CYYR1: variants seen among roughly 807,000 people sequenced by gnomAD.
CYYR1 encodes cysteine and tyrosine rich 1, also known as cysteine and tyrosine-rich protein 1.
A neutral mutation model predicts 15.2 loss-of-function variants in CYYR1; 14 were observed. The observed-to-expected ratio is 0.92, with a 90% CI of 0.61 to 1.44. CYYR1 has a LOEUF of 1.44. CYYR1 is among the 40% of genes most tolerant of loss of function. The pLI is 0.00. For synonymous variants in CYYR1, 80 were observed against 77.4 expected (o/e 1.03, Z -0.18); for missense variants, 228 against 209.5 (o/e 1.09, Z -0.54).
intron 2 of CYYR1, among the ~76,000 whole-genome samples, chr21:26,501,064 G>A (rs570445417): frequency 1.2e-3 from 176 of 152,298 alleles, no homozygotes; most frequent in Non-Finnish European, 1.4e-3. Flanking sequence ...GTAAGGCCGG[G>A]CGCAGTGACT....
chr21:26,512,193 C>A (rs902524767), intron 2 of CYYR1, among the ~76,000 whole-genome samples: 3 of 151,788 alleles, frequency 2.0e-5, no homozygotes, highest in African/African-American at 7.3e-5. Context: ...CATTCAGTCC[C>A]TCTTTTTTTA....
chr21:26,471,201 C>G (rs2123361020), intron 3 of CYYR1: 1 of 152,306 alleles, frequency 6.6e-6, no homozygotes, highest in South Asian at 2.1e-4. Flanking sequence ...TGAAACACGG[C>G]AGCCTCCATG....
intron 2 of CYYR1, among the ~76,000 whole-genome samples, chr21:26,513,229 G>A (rs938831107): frequency 1.3e-5 from 2 of 152,140 alleles, no homozygotes; most frequent in Non-Finnish European, 2.9e-5. Flanking sequence ...ACCATATTCT[G>A]CCTTGTACGA....
At chr21:26,482,232 C>T (rs1477995009) in intron 2 of CYYR1, 3 of 915,682 alleles carry the variant, frequency 3.3e-6, no homozygotes, top group Non-Finnish European at 3.9e-6. Flanking sequence ...CCATAGTTAA[C>T]TTTTACAAAT....
At chr21:26,570,282 C>T (rs1352881264) in intron 1 of CYYR1, among the ~76,000 whole-genome samples, 1 of 152,158 alleles carries the variant, frequency 6.6e-6, no homozygotes, top group African/African-American at 2.4e-5. Context: ...AAGGTGTGGT[C>T]TGGAAGAAGG....
At chr21:26,568,480 T>TA in intron 1 of CYYR1, 1 of 152,188 alleles carries the variant, frequency 6.6e-6, no homozygotes, top group Admixed American at 6.5e-5. Context: ...ATTAAAGATT[T>TA]AAATGAAAGA....
intron 2 of CYYR1, among the ~76,000 whole-genome samples, chr21:26,556,297 G>C (rs1221473543): frequency 6.6e-6 from 1 of 152,148 alleles, no homozygotes; most frequent in Non-Finnish European, 1.5e-5. Context: ...GAATTGATCT[G>C]TGTTTAAATA....
intron 2 of CYYR1, among the ~76,000 whole-genome samples, chr21:26,517,912 A>G (rs954331133): frequency 1.2e-4 from 18 of 152,154 alleles, no homozygotes; most frequent in African/African-American, 4.3e-4. Context: ...ACACAAGAAC[A>G]TACAGGTATT....
At chr21:26,526,025 G>C (rs986954759) in intron 2 of CYYR1, among the ~76,000 whole-genome samples, 3 of 152,142 alleles carry the variant, frequency 2.0e-5, no homozygotes, top group Admixed American at 6.5e-5. Context: ...GGAGGGTGGA[G>C]GGTGTGGGAG....
rs1303625224 is a variant in CYYR1, at chr21:26,573,001, G to T, written c.-61C>A. 6.2e-7 allele frequency: 1 copy of T among 1,612,020 alleles called. No individual in the cohort carries two copies. The highest frequency in any genetic ancestry group is 1.7e-5 in the Admixed American group (1 of 59,764). On this transcript the variant is annotated 5_prime_UTR_variant, in exon 1 of 4. Transcript: ENST00000652641. ...AGCCCGGAACCGGAGGGAATGGGGA[G>T]GATGGAGGGCGATCAGATGGAGAGA...
chr21:26,571,454 G>C (rs1981002322), intron 1 of CYYR1, among the ~76,000 whole-genome samples: 1 of 152,214 alleles, frequency 6.6e-6, no homozygotes, highest in South Asian at 2.1e-4. Context: ...CTAGCACTGG[G>C]GAAACAGGAG....
chr21:26,529,923 T>C (rs1287169817), intron 2 of CYYR1, among the ~76,000 whole-genome samples: 1 of 152,196 alleles, frequency 6.6e-6, no homozygotes, highest in East Asian at 1.9e-4. Context: ...AACTTTATGT[T>C]ATGGCTACCC....
intron 2 of CYYR1, among the ~76,000 whole-genome samples, chr21:26,488,927 G>T (rs972408599): frequency 1.3e-5 from 2 of 152,080 alleles, no homozygotes; most frequent in Non-Finnish European, 1.5e-5. Context: ...TAAAGTCTCT[G>T]TTATTCTAGT....
intron 2 of CYYR1, among the ~76,000 whole-genome samples, chr21:26,496,477 C>T (rs560882573): frequency 6.6e-6 from 1 of 152,202 alleles, no homozygotes; most frequent in African/African-American, 2.4e-5. Flanking sequence ...ATTTTTTTCT[C>T]AGTCTACAAA....
intron 2 of CYYR1, among the ~76,000 whole-genome samples, chr21:26,515,182 C>A (rs989682525): frequency 6.6e-6 from 1 of 152,156 alleles, no homozygotes; most frequent in African/African-American, 2.4e-5. Context: ...TGCTTTGGAT[C>A]TCTGGCCTTC....
At chr21:26,484,446 A>G (rs143341335) in intron 2 of CYYR1, among the ~76,000 whole-genome samples, 1 of 152,286 alleles carries the variant, frequency 6.6e-6, no homozygotes, top group East Asian at 1.9e-4. Flanking sequence ...TTACTTAGTT[A>G]TTAAGAAGGC....
chr21:26,477,697 T>C, intron 3 of CYYR1: 5 of 954,012 alleles, frequency 5.2e-6, no homozygotes, highest in Middle Eastern at 5.3e-4. Context: ...TTGATCAAGC[T>C]AATGAGTATC....
At chr21:26,501,000 G>A (rs1453688514) in intron 2 of CYYR1, among the ~76,000 whole-genome samples, 1 of 152,046 alleles carries the variant, frequency 6.6e-6, no homozygotes, top group Non-Finnish European at 1.5e-5. Flanking sequence ...GAAAAGGATG[G>A]ACATTTCATC....
intron 1 of CYYR1, chr21:26,569,095 AG>A (rs1980844105): frequency 6.6e-6 from 1 of 152,198 alleles, no homozygotes; most frequent in Non-Finnish European, 1.5e-5. Context: ...ATCTATCTAA[AG>A]GGAAATAAAT....
Sources: gnomAD v4.1 joint callset for allele counts (sites outside exome capture counted in the v4.1 genomes callset) on GRCh38, gnomAD v4.1.1 for gene constraint, MANE v1.5 for transcripts, NCBI Gene and HGNC (gene_info 2026-07-23, HGNC 2026-07-21) for gene names.